The following CCDC102B variants were observed in gnomAD, a reference collection of about 807,000 sequenced individuals.
The protein encoded by CCDC102B is coiled-coil domain-containing protein 102B.
In CCDC102B, 75 loss-of-function variants were observed where a neutral mutation model predicts 57.4. The observed-to-expected ratio is 1.31, with a 90% CI of 1.08 to 1.58. The LOEUF (loss-of-function observed/expected upper bound fraction) is 1.58, where lower values mean the gene tolerates loss of function less well. Ranked by LOEUF, CCDC102B falls within the 40% of genes most tolerant of loss-of-function variation. The pLI is 0.00. For synonymous variants in CCDC102B, 206 were observed against 201.9 expected, an observed-to-expected ratio of 1.02 and a Z score of -0.17; for missense variants, 636 against 582.6, an observed-to-expected ratio of 1.09 and a Z score of -0.94.
At chr18:68,898,856 C>T (rs979452178) in intron 6 of CCDC102B, among the ~76,000 whole-genome samples, 1 of 151,968 alleles carries the variant, frequency 6.6e-6, no homozygotes, top group African/African-American at 2.4e-5. Flanking sequence ...GATTTTGGCA[C>T]CTTTCTAGTT....
At chr18:69,003,949 T>C (rs2051272939) in intron 6 of CCDC102B, among the ~76,000 whole-genome samples, 1 of 152,208 alleles carries the variant, frequency 6.6e-6, no homozygotes, top group African/African-American at 2.4e-5. Context: ...TACTCCAAAA[T>C]TTGATTTTCA....
At chr18:68,802,151 T>G (rs1004673225) in intron 1 of CCDC102B, among the ~76,000 whole-genome samples, 39 of 152,246 alleles carry the variant, frequency 2.6e-4, no homozygotes, top group African/African-American at 8.7e-4. Context: ...TGTTCCTAAT[T>G]TGGAGCTAGA....
intron 6 of CCDC102B, among the ~76,000 whole-genome samples, chr18:68,971,052 G>T (rs551411868): frequency 6.6e-6 from 1 of 152,014 alleles, no homozygotes; most frequent in African/African-American, 2.4e-5. Flanking sequence ...ATAAATATTT[G>T]CAATACAGAA....
In CCDC102B at chr18:68,928,701, T is replaced by C. The variant is rs77512570; in HGVS notation, c.1263+31273T>C. Among the ~76,000 whole-genome samples the C allele has an allele frequency of 1.3e-3, 203 of 152,008 alleles. 1 individual carries two copies. The highest frequency in any genetic ancestry group is 2.5e-3 in the South Asian group (12 of 4,822). ...TCTTTTAAGATATTTGAATGTGATC[T>C]TTTCAAAAAACTAGAAATTTAATAA... On this transcript the variant is annotated intron_variant, in intron 6 of 7. Transcript: ENST00000360242.
intron 2 of CCDC102B, among the ~76,000 whole-genome samples, chr18:68,745,130 C>G (rs1432242073): frequency 6.6e-6 from 1 of 152,084 alleles, no homozygotes. Context: ...GGAGAGGAGG[C>G]AGTGGAAGTG....
At chr18:68,986,401 C>T (rs977992168) in intron 6 of CCDC102B, among the ~76,000 whole-genome samples, 4 of 152,096 alleles carry the variant, frequency 2.6e-5, no homozygotes, top group African/African-American at 7.2e-5. Flanking sequence ...ACCATATGAT[C>T]GTCTCAATTG....
At chr18:69,011,362 A>ATG (rs72492630) in intron 7 of CCDC102B, 88 of 349,242 alleles carry the variant, frequency 2.5e-4, no homozygotes, top group African/African-American at 1.5e-3. Flanking sequence ...GCACGTGCGC[A>ATG]TGTGTGTGTG....
chr18:68,860,492 A>T (rs2038700569), intron 4 of CCDC102B, among the ~76,000 whole-genome samples: 1 of 130,322 alleles, frequency 7.7e-6, no homozygotes, highest in Non-Finnish European at 1.7e-5. Flanking sequence ...AAAAAAAGAC[A>T]CTACAGGATG....
intron 6 of CCDC102B, among the ~76,000 whole-genome samples, chr18:68,940,536 T>TA (rs1469859671): frequency 1.3e-5 from 2 of 151,830 alleles, no homozygotes; most frequent in Non-Finnish European, 3.0e-5. Flanking sequence ...AAATCTGCTC[T>TA]AAAAAATCTT....
intron 5 of CCDC102B, among the ~76,000 whole-genome samples, chr18:68,885,204 TG>T (rs1048547856): frequency 6.6e-6 from 1 of 151,944 alleles, no homozygotes; most frequent in Non-Finnish European, 1.5e-5. Context: ...GATTTGGAGT[TG>T]AAAGTTGAAT....
chr18:68,915,841 G>T (rs569123833), intron 6 of CCDC102B, among the ~76,000 whole-genome samples: 66 of 152,240 alleles, frequency 4.3e-4, no homozygotes, highest in African/African-American at 1.6e-3. Context: ...TGTAAAGTAC[G>T]AATGAAGATT....
At chr18:68,748,205 GGTGTGTGTGTGTGTGTGTGT>G (rs5825872) in intron 2 of CCDC102B, among the ~76,000 whole-genome samples, 8 of 137,504 alleles carry the variant, frequency 5.8e-5, no homozygotes, top group African/African-American at 1.9e-4. Context: ...TTATTAAACT[GGTGTGTGTGTGTGTGTGTGT>G]GTGTGTGTGT....
chr18:69,002,147 G>C (rs1174961638), intron 6 of CCDC102B, among the ~76,000 whole-genome samples: 13 of 152,120 alleles, frequency 8.5e-5, no homozygotes, highest in Admixed American at 5.9e-4. Flanking sequence ...TGAGAACACT[G>C]TATCAGCTTG....
At chr18:68,945,647 A>G (rs1045475558) in intron 6 of CCDC102B, among the ~76,000 whole-genome samples, 4 of 152,138 alleles carry the variant, frequency 2.6e-5, no homozygotes, top group African/African-American at 4.8e-5. Context: ...TGTAAACTTC[A>G]AGGCATTCCA....
chr18:68,905,761 G>A (rs1182467880), intron 6 of CCDC102B, among the ~76,000 whole-genome samples: 1 of 143,386 alleles, frequency 7.0e-6, no homozygotes, highest in Non-Finnish European at 1.5e-5. Context: ...GGAATCATGT[G>A]ATATATAATC....
At chr18:68,904,411 G>C (rs1202212333) in intron 6 of CCDC102B, among the ~76,000 whole-genome samples, 1 of 152,176 alleles carries the variant, frequency 6.6e-6, no homozygotes, top group Non-Finnish European at 1.5e-5. Flanking sequence ...TCATAATTTA[G>C]TTATTGCATG....
chr18:68,798,659 T>C (rs1414634005), intron 1 of CCDC102B, among the ~76,000 whole-genome samples: 4 of 152,152 alleles, frequency 2.6e-5, no homozygotes, highest in Non-Finnish European at 5.9e-5. Flanking sequence ...TCATGCTAAA[T>C]TCTTGTATTC....
chr18:68,874,715 C>A lies in CCDC102B; in HGVS notation c.983C>A (p.Ser328Ter). 1 of 1,612,130 alleles carries A rather than the reference C, an allele frequency of 6.2e-7. No individual in the cohort carries two copies. ...CATAATGATGAAATGCAAGAACTGT[C>A]AGGCAATATAAAGGAAGAATCCAAA... Reference protein sequence around the residue: ...GQHNDEMQELSGNIKEESKSQ... With the variant: ...GQHNDEMQEL The change falls in exon 5 of 8, where the codon TCA becomes TAA. Residue 328 changes from serine (S) to a stop codon, truncating the protein, a stop_gained. Transcript: ENST00000360242. LOFTEE classifies it high-confidence loss of function.
At chr18:68,994,602 A>G (rs8089350) in intron 6 of CCDC102B, among the ~76,000 whole-genome samples, 130,324 of 151,834 alleles carry the variant, frequency 0.86, 57,875 homozygotes, top group Non-Finnish European at 0.97. Context: ...TTCTTCTGAC[A>G]GTGAGTTCTC....
Sources: allele counts gnomAD v4.1 joint callset (sites outside exome capture counted in the v4.1 genomes callset), GRCh38; gene constraint gnomAD v4.1.1; transcripts MANE v1.5; gene names NCBI Gene and HGNC (gene_info 2026-07-23, HGNC 2026-07-21).